KALRN: variants seen among roughly 807,000 people sequenced by gnomAD.
KALRN encodes the protein kalirin RhoGEF kinase.
Under a neutral mutation model 353.7 loss-of-function variants are expected in KALRN, and 70 were observed. The observed-to-expected ratio is 0.20, with a 90% CI of 0.16 to 0.24. The LOEUF (loss-of-function observed/expected upper bound fraction) is 0.24. Ranked by LOEUF, KALRN falls within the 10% of genes least tolerant of loss-of-function variation. The pLI is 1.00. For synonymous variants in KALRN, 1,391 were observed against 1,434.8 expected (o/e 0.97, Z 0.69); for missense variants, 2,791 against 3,756.7 (o/e 0.74, Z 6.72).
chr3:124,272,465 A>G (rs1470331886), intron 5 of KALRN, among the ~76,000 whole-genome samples: 1 of 152,180 alleles, frequency 6.6e-6, no homozygotes, highest in Non-Finnish European at 1.5e-5. Flanking sequence ...CTATCCAAAT[A>G]TATGATCCCT....
At chr3:124,562,695 A>G in intron 33 of KALRN, 148 bp from the exon 34 acceptor site, 3 of 631,214 alleles carry the variant, frequency 4.8e-6, no homozygotes, top group Non-Finnish European at 7.0e-6. Context: ...TCTGCCCTAA[A>G]CACCATTTTT....
intron 6 of KALRN, among the ~76,000 whole-genome samples, chr3:124,306,006 T>C (rs1226809081): frequency 6.6e-6 from 1 of 152,150 alleles, no homozygotes; most frequent in Non-Finnish European, 1.5e-5. Context: ...CAAACCATAG[T>C]TGAAGAATTA....
At chr3:124,162,884 G>A (rs1232499964) in intron 1 of KALRN, 2 of 152,194 alleles carry the variant, frequency 1.3e-5, no homozygotes, top group African/African-American at 4.8e-5. Flanking sequence ...TTGACATTAA[G>A]TACTTCTTCA....
intron 33 of KALRN, chr3:124,519,083 G>A (rs772010989): frequency 1.0e-5 from 10 of 985,838 alleles, no homozygotes; most frequent in Non-Finnish European, 1.1e-5. Context: ...AGCCTACTCA[G>A]ATTTTTTCAG....
intron 1 of KALRN, among the ~76,000 whole-genome samples, chr3:124,091,541 G>A (rs1442631579): frequency 6.6e-6 from 1 of 152,146 alleles, no homozygotes; most frequent in Non-Finnish European, 1.5e-5. Flanking sequence ...TGAAGAGAGG[G>A]AGAAAGAACA....
At chr3:124,695,750 TC>T (rs1315182080) in intron 53 of KALRN, among the ~76,000 whole-genome samples, 36 of 152,084 alleles carry the variant, frequency 2.4e-4, no homozygotes, top group Admixed American at 5.9e-4. Flanking sequence ...TTTTTTTTTT[TC>T]CATCATTCAT....
At chr3:124,562,391 A>G (rs2072162756) in intron 33 of KALRN, among the ~76,000 whole-genome samples, 2 of 152,082 alleles carry the variant, frequency 1.3e-5, no homozygotes, top group Admixed American at 6.6e-5. Context: ...TGCCCATACA[A>G]TAGGAGTCTG....
chr3:124,209,985 C>G (rs1481662978), intron 1 of KALRN, among the ~76,000 whole-genome samples: 1 of 152,140 alleles, frequency 6.6e-6, no homozygotes, highest in Non-Finnish European at 1.5e-5. Flanking sequence ...ATCAGATGCT[C>G]CAGTGTTTCT....
At chr3:124,496,016 C>T (rs35205666) in intron 32 of KALRN, among the ~76,000 whole-genome samples, 6,756 of 29,416 alleles carry the variant, frequency 0.23, 1,215 homozygotes, top group African/African-American at 0.26. Flanking sequence ...TATATATACA[C>T]ACACATATAT....
chr3:124,659,527 G>C (rs2084541368), intron 43 of KALRN, 70 bp downstream of exon 43: 1 of 1,039,798 alleles, frequency 9.6e-7, no homozygotes, highest in Non-Finnish European at 1.5e-6. Flanking sequence ...TCTGAGCTAG[G>C]GGTAGAGCTA....
At chr3:124,236,853 T>C (rs1336140228) in intron 3 of KALRN, among the ~76,000 whole-genome samples, 1 of 152,070 alleles carries the variant, frequency 6.6e-6, no homozygotes, top group African/African-American at 2.4e-5. Context: ...TCTCAGGGGG[T>C]GGTCACATCA....
chr3:124,545,248 A>T (rs897240085), intron 33 of KALRN, among the ~76,000 whole-genome samples: 1 of 152,102 alleles, frequency 6.6e-6, no homozygotes, highest in South Asian at 2.1e-4. Context: ...CTTTTTTTGT[A>T]TAGGAAATGT....
At chr3:124,108,268 A>G (rs1355645186) in intron 1 of KALRN, among the ~76,000 whole-genome samples, 1 of 152,204 alleles carries the variant, frequency 6.6e-6, no homozygotes, top group Non-Finnish European at 1.5e-5. Context: ...TAGAGATCAT[A>G]TCACTGGTAC....
chr3:124,503,361 G>T (rs1373267474), intron 33 of KALRN, among the ~76,000 whole-genome samples: 1 of 151,776 alleles, frequency 6.6e-6, no homozygotes, highest in Non-Finnish European at 1.5e-5. Flanking sequence ...GTATAAATCC[G>T]ATAGAAACAC....
intron 14 of KALRN, among the ~76,000 whole-genome samples, chr3:124,421,714 T>C (rs1372754508): frequency 6.6e-6 from 1 of 152,164 alleles, no homozygotes; most frequent in East Asian, 1.9e-4. Flanking sequence ...CTAAGGCAGT[T>C]CCTTTGCTCT....
chr3:124,346,971 G>A, intron 9 of KALRN, among the ~76,000 whole-genome samples, 172 bp from the exon 10 acceptor site: 1 of 152,188 alleles, frequency 6.6e-6, no homozygotes, highest in East Asian at 1.9e-4. Context: ...TATTGCCAAT[G>A]ACAGTAATGA....
intron 6 of KALRN, among the ~76,000 whole-genome samples, chr3:124,321,654 G>C (rs1049388320): frequency 6.6e-6 from 1 of 152,192 alleles, no homozygotes; most frequent in Admixed American, 6.6e-5. Context: ...AAGGACTGCA[G>C]GATGAAAAAA....
intron 6 of KALRN, among the ~76,000 whole-genome samples, chr3:124,317,583 T>C (rs1333900498): frequency 6.6e-6 from 1 of 152,100 alleles, no homozygotes; most frequent in Non-Finnish European, 1.5e-5. Flanking sequence ...TGCATACCTA[T>C]AACCTGGGAC....
intron 6 of KALRN, among the ~76,000 whole-genome samples, chr3:124,324,880 GAGA>G (rs2149394816): frequency 6.6e-6 from 1 of 152,300 alleles, no homozygotes; most frequent in South Asian, 2.1e-4. Flanking sequence ...ATAATCATTT[GAGA>G]AGATTTGTAA....
Sources: allele counts gnomAD v4.1 joint callset (sites outside exome capture counted in the v4.1 genomes callset), GRCh38; gene constraint gnomAD v4.1.1; transcripts MANE v1.5; gene names NCBI Gene and HGNC (gene_info 2026-07-23, HGNC 2026-07-21).